Variants in SUN1 observed in about 807,000 individuals in gnomAD.
The protein encoded by SUN1 is SUN domain-containing protein 1.
In SUN1, 61 loss-of-function variants were observed where a neutral mutation model predicts 103.2. The observed-to-expected ratio is 0.59, with a 90% CI of 0.48 to 0.73. SUN1 has a LOEUF of 0.73. Ranked by LOEUF, SUN1 falls within the 30% of genes least tolerant of loss-of-function variation. The pLI, the probability that SUN1 is intolerant of heterozygous loss-of-function variation, is 0.00. For synonymous variants in SUN1, 490 were observed against 425.7 expected, an observed-to-expected ratio of 1.15 and a Z score of -1.86; for missense variants, 1,052 against 1,034.6, an observed-to-expected ratio of 1.02 and a Z score of -0.23.
At chr7:847,852 G>A (rs111860426) in intron 5 of SUN1, among the ~76,000 whole-genome samples, 4,105 of 135,080 alleles carry the variant, frequency 0.03, 114 homozygotes, top group Non-Finnish European at 0.036. Context: ...GTGCGCCAGC[G>A]GAGTTGGCGG....
chr7:873,400 T>C lies in SUN1; in HGVS notation c.*69T>C, dbSNP rs185782813. 1.1e-4 allele frequency: 144 copies of C among 1,365,210 alleles called. No individual in the cohort carries two copies. The highest frequency in any genetic ancestry group is 1.9e-4 in the Admixed American group (11 of 59,326). 84.6% of individuals were successfully genotyped at this position (1,365,210 alleles called of 1,614,324 possible). ...CAGCGTGAAACACTGGAATCCTTCA[T>C]GGACGAGGGCATATACAATGATGGG... On this transcript the variant is annotated 3_prime_UTR_variant, in exon 19 of 19. Coordinates refer to ENST00000401592, the MANE Select transcript of SUN1 (RefSeq NM_001130965.3).
chr7:827,359 G>C (rs1793174926), intron 1 of SUN1, among the ~76,000 whole-genome samples: 1 of 151,608 alleles, frequency 6.6e-6, no homozygotes, highest in African/African-American at 2.4e-5. Context: ...TTTCAGCCTT[G>C]TATGAAGATT....
intron 16 of SUN1, chr7:868,390 G>A (rs1838827401): frequency 3.8e-6 from 1 of 265,556 alleles, no homozygotes; most frequent in Non-Finnish European, 7.4e-6. Flanking sequence ...GGCCGACCTT[G>A]CCAGGCTGTG....
chr7:848,373 T>A (rs763891878), intron 5 of SUN1: 2 of 1,328,766 alleles, frequency 1.5e-6, no homozygotes, highest in Admixed American at 4.8e-5. Flanking sequence ...AAGTAGATAT[T>A]GGCTTTATGG....
intron 11 of SUN1, among the ~76,000 whole-genome samples, chr7:855,362 GA>G (rs1826170403): frequency 1.3e-5 from 2 of 152,230 alleles, no homozygotes; most frequent in African/African-American, 4.8e-5. Flanking sequence ...TCAGAGGGGG[GA>G]TAAAGGACCT....
intron 16 of SUN1, chr7:868,533 G>A (rs561649629): frequency 1.3e-4 from 34 of 264,828 alleles, no homozygotes; most frequent in South Asian, 1.2e-3. Flanking sequence ...GGTCGGATGG[G>A]GGGGCAGTGC....
At chr7:869,173 C>T (rs1839646031) in intron 16 of SUN1, 176 bp from the exon 17 acceptor site, 3 of 744,624 alleles carry the variant, frequency 4.0e-6, no homozygotes, top group Non-Finnish European at 2.2e-6. Flanking sequence ...AGATAGTGGC[C>T]CTCTGAGGAG....
At chr7:823,478 AG>A (rs35697960) in intron 1 of SUN1, among the ~76,000 whole-genome samples, 41,110 of 151,978 alleles carry the variant, frequency 0.27, 6,246 homozygotes, top group African/African-American at 0.4. Flanking sequence ...CTCAGGCAGG[AG>A]GACATTCATT....
chr7:841,708 G>C, intron 2 of SUN1: 2 of 480,572 alleles, frequency 4.2e-6, no homozygotes, highest in Non-Finnish European at 7.4e-6. Flanking sequence ...GGGTCATGGT[G>C]CCCAAAATAA....
At chr7:817,367 C>G in intron 1 of SUN1, 1 of 1,520,004 alleles carries the variant, frequency 6.6e-7, no homozygotes, top group Non-Finnish European at 8.8e-7. Context: ...CGCGCGTGGT[C>G]TCCGCGCCCT....
intron 1 of SUN1, among the ~76,000 whole-genome samples, chr7:825,077 T>TG (rs1343331838): frequency 6.6e-6 from 1 of 151,982 alleles, no homozygotes; most frequent in African/African-American, 2.4e-5. Flanking sequence ...TTTTTTTTTT[T>TG]AGGCGGAGTC....
intron 1 of SUN1, among the ~76,000 whole-genome samples, chr7:838,368 C>G (rs758200001): frequency 6.6e-6 from 1 of 152,208 alleles, no homozygotes; most frequent in Non-Finnish European, 1.5e-5. Context: ...GGCCCGATCA[C>G]TTGGCCTCCT....
Position 842,989 on chromosome 7 carries a change from G to T in SUN1, c.452-217G>T. The T allele has an allele frequency of 8.9e-6, 6 of 674,342 alleles. No homozygotes were observed. The South Asian group carries it at 1.2e-4, about 13-fold the overall frequency. The allele number at this position is 674,342 out of a possible 1,614,324, so 41.8% of individuals were successfully genotyped here. ...TAGGCCAGGTGCTGTGTGTGCTGCC[G>T]TCTGTCTGTATTTTCTTCAAGGATA... On this transcript the variant is annotated intron_variant, in intron 3 of 18. Coordinates refer to ENST00000401592, the MANE Select transcript of SUN1 (RefSeq NM_001130965.3).
chr7:869,404 T>G lies in SUN1; in HGVS notation c.2036T>G (p.Val679Gly). ...WAFKGSQGYL[V>G]VRLSMMIHPA... ...TTTAAAGGCTCCCAGGGGTACCTGG[T>G]GGTGAGGCTCTCCATGATGATCCAC... The change falls in exon 17 of 19, where the codon GTG becomes GGG. Residue 679 changes from valine to glycine, a missense_variant. Physicochemically the swap from Val to Gly is moderately radical, Grantham distance 109 (BLOSUM62 -3). Transcript: ENST00000401592. 1.2e-6 allele frequency: 2 copies of G among 1,613,866 alleles called. No homozygotes were observed. Among genetic ancestry groups the G allele is most frequent in the Non-Finnish European group, 1.7e-6 (2 of 1,179,874 alleles).
intron 15 of SUN1, among the ~76,000 whole-genome samples, chr7:864,672 A>G (rs1834982809): frequency 1.8e-5 from 1 of 55,232 alleles, no homozygotes; most frequent in African/African-American, 6.0e-5. Flanking sequence ...TCTGTCGCCC[A>G]GGCTGGAGTG....
In SUN1 at chr7:817,596, C is replaced by G. The variant is rs981622177; in HGVS notation, c.-74+923C>G. ...GGTGGGAAGCTGCCCATAATTGTGTCTTCTAAGCTTCAGTCATAGTATTGC... is the reference window on the plus strand; with the variant it reads ...GGTGGGAAGCTGCCCATAATTGTGTGTTCTAAGCTTCAGTCATAGTATTGC... On this transcript the variant is annotated intron_variant, in intron 1 of 17. Coordinates refer to the SUN1 transcript ENST00000389574. 2.0e-5 allele frequency: 28 copies of G among 1,408,586 alleles called. No individual in the cohort carries two copies. In the African/African-American group the frequency reaches 4.0e-4, roughly 20 times the overall value. The allele number at this position is 1,408,586 out of a possible 1,614,324, so 87.3% of individuals were successfully genotyped here.
intron 17 of SUN1, among the ~76,000 whole-genome samples, chr7:870,200 G>A (rs1238459532): frequency 4.6e-5 from 4 of 86,944 alleles, no homozygotes. Context: ...GTGAGACCCT[G>A]TCTTTAAAAA....
At chr7:859,152 CAA>C (rs140482514) in intron 13 of SUN1, among the ~76,000 whole-genome samples, 23 of 88,624 alleles carry the variant, frequency 2.6e-4, no homozygotes, top group Admixed American at 1.0e-3. Context: ...GACTCCGTCT[CAA>C]AAAAAAAAAA....
intron 17 of SUN1, 91 bp from the exon 18 acceptor site, chr7:872,379 T>A: frequency 5.7e-6 from 6 of 1,046,268 alleles, no homozygotes; most frequent in Non-Finnish European, 7.2e-6. Context: ...AACGGTCCTG[T>A]TTGCTTAGTG....
Sources: gnomAD v4.1 joint callset for allele counts (sites outside exome capture counted in the v4.1 genomes callset) on GRCh38, gnomAD v4.1.1 for gene constraint, MANE v1.5 for transcripts, NCBI Gene and HGNC (gene_info 2026-07-23, HGNC 2026-07-21) for gene names.